The following ASXL3 variants were observed in gnomAD, a reference collection of about 807,000 sequenced individuals.
ASXL3 encodes the protein ASXL transcriptional regulator 3.
Under a neutral mutation model 170.6 loss-of-function variants are expected in ASXL3, and 34 were observed. The ratio of observed to expected loss-of-function variants is 0.20; its 90% CI spans 0.15 to 0.27. The LOEUF is 0.27. Among genes scored for constraint, ASXL3 ranks in the 10% least tolerant of loss-of-function variants. The pLI, the probability that ASXL3 is intolerant of heterozygous loss-of-function variation, is 1.00. For synonymous variants in ASXL3, 1,002 were observed against 989.1 expected, an observed-to-expected ratio of 1.01 and a Z score of -0.24; for missense variants, 2,592 against 2,695.3, an observed-to-expected ratio of 0.96 and a Z score of 0.85.
intron 11 of ASXL3, 31 bp downstream of exon 11, chr18:33,740,474 CG>C (rs2067644861): frequency 1.4e-6 from 2 of 1,480,268 alleles, no homozygotes; most frequent in African/African-American, 2.8e-5. Context: ...AAGGCAATTC[CG>C]TAGATAGGCT....
At chr18:33,665,742 A>G (rs1474047966) in intron 5 of ASXL3, among the ~76,000 whole-genome samples, 1 of 152,208 alleles carries the variant, frequency 6.6e-6, no homozygotes, top group East Asian at 1.9e-4. Flanking sequence ...TGAAAAATCA[A>G]ATGTTTATTT....
chr18:33,667,774 T>C (rs775838313), intron 5 of ASXL3, among the ~76,000 whole-genome samples: 15 of 152,346 alleles, frequency 9.8e-5, no homozygotes, highest in Admixed American at 5.2e-4. Flanking sequence ...GAAACACTTA[T>C]ATTATTTCAT....
Position 33,748,585 on chromosome 18 carries a change from C to T in ASXL3, c.*1990C>T, listed in dbSNP as rs2067834959. On this transcript the variant is annotated 3_prime_UTR_variant, in exon 12 of 12. Transcript: ENST00000269197. Reference sequence around the variant, plus strand: ...AAAGCAGCATAAGTTCCAGTGGATCCTTAGTTTTCTCTTCACTGCCTGCCA... The same window carrying T: ...AAAGCAGCATAAGTTCCAGTGGATCTTTAGTTTTCTCTTCACTGCCTGCCA... 1 of 152,194 alleles carries T rather than the reference C, an allele frequency of 6.6e-6. No homozygotes were observed. Among genetic ancestry groups the T allele is most frequent in the African/African-American group, 2.4e-5 (1 of 41,436 alleles). The allele number at this position is 152,194 out of a possible 1,614,324, so 9.4% of individuals were successfully genotyped here. A position where few individuals can be genotyped will look rare whatever the true frequency, so the allele number is the denominator to read the frequency against.
intron 4 of ASXL3, among the ~76,000 whole-genome samples, chr18:33,659,436 A>G (rs532150587): frequency 6.6e-6 from 1 of 152,202 alleles, no homozygotes; most frequent in South Asian, 2.1e-4. Flanking sequence ...TAAGAATGTG[A>G]AAGTAATAAA....
At position 33,642,338 on chromosome 18, in the gene ASXL3, A is replaced by G. The variant is rs184952619; in HGVS notation, c.138-2556A>G. Among the ~76,000 whole-genome samples the G allele has an allele frequency of 3.6e-3, 548 of 152,032 alleles. 4 individuals carry two copies. Among genetic ancestry groups the G allele is most frequent in the Non-Finnish European group, 5.1e-3 (349 of 67,890 alleles). The stretch of plus-strand genomic sequence containing the variant: ...CTGTATATTTTACATTGGATGAATC[A>G]GTTACCTTTTAATAAGCATTTAGCT... On this transcript the variant is annotated intron_variant, in intron 2 of 11. Coordinates refer to ENST00000269197, the MANE Select transcript of ASXL3 (RefSeq NM_030632.3).
At chr18:33,628,199 A>C (rs561523189) in intron 2 of ASXL3, among the ~76,000 whole-genome samples, 1 of 152,108 alleles carries the variant, frequency 6.6e-6, no homozygotes, top group East Asian at 1.9e-4. Flanking sequence ...GAGAGAAGCT[A>C]GGTATCTTGC....
chr18:33,669,044 T>C (rs1039996228), intron 5 of ASXL3, among the ~76,000 whole-genome samples: 7 of 152,278 alleles, frequency 4.6e-5, no homozygotes, highest in Middle Eastern at 6.8e-3. Context: ...TCTTACATAA[T>C]GGGCAAAGAT....
In ASXL3 at chr18:33,739,915, C is replaced by T. The variant is rs61729751; in HGVS notation, c.2511C>T (p.Thr837=). Residue 837 remains threonine (T), a synonymous_variant, in exon 11 of 12, where the codon ACC becomes ACT. Transcript: ENST00000269197. ...ACAATAAGACCCTGAGTCAGCAAACCTGTAAATCACATGTTGACACTGAGA... is the reference window on the plus strand; with the variant it reads ...ACAATAAGACCCTGAGTCAGCAAACTTGTAAATCACATGTTGACACTGAGA... ...DLHNKTLSQQ[T]CKSHVDTEKP... 7,875 of 1,613,898 alleles carry T rather than the reference C, an allele frequency of 4.9e-3. 363 individuals carry two copies. In the African/African-American group the frequency reaches 0.092, roughly 19 times the overall value.
At position 33,743,390 on chromosome 18, in the gene ASXL3, T is replaced by C; in HGVS notation, c.3542T>C (p.Val1181Ala). ...KSAHLRETTT[V>A]LQQSLNPSKL... The stretch of plus-strand genomic sequence containing the variant: ...GCCCACCTCCGGGAGACCACCACTG[T>C]ACTACAGCAGTCTCTTAACCCAAGT... The change falls in exon 12 of 12, where the codon GTA becomes GCA. Residue 1181 changes from valine to alanine, a missense_variant. Coordinates refer to ENST00000269197, the MANE Select transcript of ASXL3 (RefSeq NM_030632.3). 6.2e-7 allele frequency: 1 copy of C among 1,613,340 alleles called. No homozygotes were observed. The highest frequency in any genetic ancestry group is 1.7e-5 in the Admixed American group (1 of 60,030).
chr18:33,641,577 G>A (rs747895918), intron 2 of ASXL3, among the ~76,000 whole-genome samples: 4 of 151,942 alleles, frequency 2.6e-5, no homozygotes, highest in Middle Eastern at 3.2e-3. Flanking sequence ...TGAAAACATC[G>A]TAGAAGTATT....
Position 33,743,114 on chromosome 18 carries a change from G to A in ASXL3, c.3266G>A (p.Ser1089Asn). 1 of 1,613,736 alleles carries A rather than the reference G, an allele frequency of 6.2e-7. No individual in the cohort carries two copies. Among genetic ancestry groups the A allele is most frequent in the South Asian group, 1.1e-5 (1 of 91,066 alleles). Residue 1089 changes from serine (S) to asparagine (N), a missense_variant, in exon 12 of 12, where the codon AGT becomes AAT. By Grantham distance (46) the Ser-to-Asn change is conservative. This residue lies in a region of ASXL3 where 2,246 missense variants were observed against 2,219.6 expected (regional missense o/e 1.01). Coordinates refer to ENST00000269197, the MANE Select transcript of ASXL3 (RefSeq NM_030632.3). ...AGCATTGTCTCTGGAGCCATGGGAA[G>A]TCCAGGAGAGGGTGGAAAGACGAGA... The part of the protein sequence containing the change: ...AASIVSGAMG[S>N]PGEGGKTRTL...
intron 5 of ASXL3, 128 bp downstream of exon 5, chr18:33,661,865 A>G (rs1309851951): frequency 8.5e-6 from 9 of 1,057,002 alleles, no homozygotes; most frequent in Non-Finnish European, 1.0e-5. Flanking sequence ...AATCCCATCC[A>G]TGATATTCAG....
chr18:33,578,804 C>A, intron 1 of ASXL3, 119 bp downstream of exon 1: 1 of 604,512 alleles, frequency 1.7e-6, no homozygotes, highest in Non-Finnish European at 2.2e-6. Flanking sequence ...GCTCGCCGGG[C>A]TCCTGCTCTT....
At chr18:33,648,165 G>C (rs186186402) in intron 4 of ASXL3, among the ~76,000 whole-genome samples, 2 of 152,122 alleles carry the variant, frequency 1.3e-5, no homozygotes, top group African/African-American at 4.8e-5. Flanking sequence ...AGCTAGAAAG[G>C]CAATGGCCAC....
chr18:33,737,274 T>C (rs1024303068), intron 10 of ASXL3, among the ~76,000 whole-genome samples: 3 of 152,146 alleles, frequency 2.0e-5, no homozygotes, highest in Admixed American at 6.5e-5. Context: ...CCCTTTCACA[T>C]TGAGGATTTT....
chr18:33,739,406 A>T lies in ASXL3; in HGVS notation c.2002A>T (p.Thr668Ser). The T allele has an allele frequency of 6.2e-7, 1 of 1,613,854 alleles. No individual in the cohort carries two copies. ...AGACAAATACAACCAGAGAAATTCC[A>T]CTGATGAAAACTTTCATGCATCTTT... ...NTDKYNQRNS[T>S]DENFHASLMS... Residue 668 changes from threonine (T) to serine (S), a missense_variant, in exon 11 of 12, where the codon ACT (threonine) becomes TCT (serine). Coordinates refer to ENST00000269197, the MANE Select transcript of ASXL3 (RefSeq NM_030632.3).
chr18:33,689,671 G>A (rs887504172), intron 8 of ASXL3, among the ~76,000 whole-genome samples: 8 of 152,192 alleles, frequency 5.3e-5, no homozygotes, highest in African/African-American at 1.9e-4. Flanking sequence ...CTGTTAGGTG[G>A]CACACAACTT....
At chr18:33,616,797 A>G (rs1053354263) in intron 2 of ASXL3, 1 of 152,072 alleles carries the variant, frequency 6.6e-6, no homozygotes, top group Non-Finnish European at 1.5e-5. Context: ...TTTCTTCCAT[A>G]TGTCTGCGCA....
intron 1 of ASXL3, among the ~76,000 whole-genome samples, chr18:33,582,022 G>A (rs2064997174): frequency 6.6e-6 from 1 of 152,070 alleles, no homozygotes; most frequent in Non-Finnish European, 1.5e-5. Flanking sequence ...AGTTGTAGTT[G>A]TGTTACTTTG....
Sources: gnomAD v4.1 joint callset for allele counts (sites outside exome capture counted in the v4.1 genomes callset) on GRCh38, gnomAD v4.1.1 for gene constraint, gnomAD v4.1.1 regional missense constraint, MANE v1.5 for transcripts, NCBI Gene and HGNC (gene_info 2026-07-23, HGNC 2026-07-21) for gene names.